Variants in TCERG1 observed in about 807,000 individuals in gnomAD.
TCERG1 encodes the protein transcription elongation regulator 1.
Under a neutral mutation model 144.7 loss-of-function variants are expected in TCERG1, and 37 were observed. The ratio of observed to expected loss-of-function variants is 0.26; its 90% CI spans 0.20 to 0.34. The LOEUF is 0.34. TCERG1 is among the 10% of genes least tolerant of loss of function. TCERG1 has a pLI of 1.00. For missense variants in TCERG1, 1,027 were observed against 1,380.7 expected (o/e 0.74, Z 4.06); for synonymous variants, 492 against 458.2 (o/e 1.07, Z -0.94).
In TCERG1 at chr5:146,492,836, GGACAAA is replaced by G. The variant is rs1301089830; in HGVS notation, c.2164-79_2164-74del. 3.2e-6 allele frequency: 3 copies of G among 941,492 alleles called. No individual in the cohort carries two copies. In the South Asian group the frequency reaches 4.4e-5, roughly 14 times the overall value. 58.3% of individuals were successfully genotyped at this position (941,492 alleles called of 1,614,324 possible). On this transcript the variant is annotated intron_variant, in intron 15 of 22. Coordinates refer to ENST00000679501, the MANE Select transcript of TCERG1 (RefSeq NM_001382548.1). Reference sequence around the variant, plus strand: ...TAATATATTTTTCCTGGTATAGTTTGGACAAAGACATTGTCCAATAATTTGGTAGTT... The same window carrying G: ...TAATATATTTTTCCTGGTATAGTTTGGACATTGTCCAATAATTTGGTAGTT...
rs758112142 is a variant in TCERG1, at chr5:146,455,244, G to T, written c.248G>T (p.Gly83Val). Residue 83 changes from glycine (G) to valine (V), a missense_variant, in exon 2 of 23, where the codon GGA becomes GTA. This residue lies in a region of TCERG1 where 175 missense variants were observed against 197.0 expected (regional missense o/e 0.89). Transcript: ENST00000679501. ...DPNMPPMPPP[G>V]GIPPPMGPPH... Reference sequence around the variant, plus strand: ...AATATGCCGCCAATGCCTCCTCCAGGAGGGATACCTCCACCTATGGGCCCT... The same window carrying T: ...AATATGCCGCCAATGCCTCCTCCAGTAGGGATACCTCCACCTATGGGCCCT... 1.4e-5 allele frequency: 23 copies of T among 1,614,078 alleles called. No individual in the cohort carries two copies. Among genetic ancestry groups the T allele is most frequent in the Non-Finnish European group, 1.8e-5 (21 of 1,180,044 alleles).
intron 15 of TCERG1, among the ~76,000 whole-genome samples, chr5:146,487,652 T>A (rs1765971890): frequency 6.6e-6 from 1 of 151,862 alleles, no homozygotes; most frequent in African/African-American, 2.4e-5. Context: ...TGGGGATCAC[T>A]TGATCCAGGA....
chr5:146,495,067 CTAAA>C (rs1159562423), intron 16 of TCERG1, among the ~76,000 whole-genome samples: 8 of 152,216 alleles, frequency 5.3e-5, no homozygotes, highest in African/African-American at 1.9e-4. Flanking sequence ...AGAAATAAGT[CTAAA>C]ATAAATCAGT....
intron 15 of TCERG1, among the ~76,000 whole-genome samples, chr5:146,489,572 T>G (rs1481044955): frequency 6.6e-6 from 1 of 152,144 alleles, no homozygotes; most frequent in East Asian, 1.9e-4. Context: ...AATGGAGACT[T>G]ACTTTTAGTA....
intron 1 of TCERG1, among the ~76,000 whole-genome samples, chr5:146,448,393 C>T (rs750872831): frequency 6.6e-6 from 1 of 152,094 alleles, no homozygotes; most frequent in African/African-American, 2.4e-5. Context: ...ATGAGAGTGA[C>T]CTGGAGAAAT....
At chr5:146,479,043 A>G (rs1318141973) in intron 10 of TCERG1, among the ~76,000 whole-genome samples, 1 of 152,146 alleles carries the variant, frequency 6.6e-6, no homozygotes, top group Non-Finnish European at 1.5e-5. Context: ...TAAAAATACA[A>G]AATCTCAATC....
chr5:146,467,583 G>C (rs1763900960), intron 5 of TCERG1, among the ~76,000 whole-genome samples: 1 of 151,996 alleles, frequency 6.6e-6, no homozygotes, highest in Non-Finnish European at 1.5e-5. Flanking sequence ...TACTTCTTTA[G>C]TTAGCTTAAA....
At chr5:146,500,810 C>G (rs921896196) in intron 17 of TCERG1, among the ~76,000 whole-genome samples, 1 of 152,022 alleles carries the variant, frequency 6.6e-6, no homozygotes, top group Non-Finnish European at 1.5e-5. Context: ...TGCTCGAGAC[C>G]AGCCTAGGCA....
chr5:146,468,445 G>A (rs1763985380), intron 6 of TCERG1, 42 bp downstream of exon 6: 1 of 1,576,720 alleles, frequency 6.3e-7, no homozygotes, highest in African/African-American at 1.4e-5. Context: ...TCTGTAAGTT[G>A]GCATGGTAGT....
rs369987043 is a variant in TCERG1, at chr5:146,454,424, G to GT, written c.60-622dup. 3.6e-3 allele frequency among the ~76,000 whole-genome samples: 531 copies of GT among 147,106 alleles called. 3 individuals carry two copies. Among genetic ancestry groups the GT allele is most frequent in the African/African-American group, 0.011 (434 of 40,124 alleles). ...CCTTATTACGTAGATTATGTAGAGT[G>GT]TTTTTTTTTTCATCCTTTCTTGCAA... On this transcript the variant is annotated intron_variant, in intron 1 of 22. Transcript: ENST00000679501.
chr5:146,485,069 T>C (rs1383352843), intron 15 of TCERG1, among the ~76,000 whole-genome samples: 1 of 152,248 alleles, frequency 6.6e-6, no homozygotes. Context: ...TTTCATGGTC[T>C]CTAATATTCT....
chr5:146,473,682 C>T (rs941335727), intron 9 of TCERG1, among the ~76,000 whole-genome samples: 16 of 152,220 alleles, frequency 1.1e-4, no homozygotes, highest in Middle Eastern at 6.8e-3. Flanking sequence ...TTGAGAATGA[C>T]GTTAAATCTA....
intron 5 of TCERG1, among the ~76,000 whole-genome samples, chr5:146,466,835 T>C (rs1581426721): frequency 6.6e-6 from 1 of 152,338 alleles, no homozygotes; most frequent in East Asian, 1.9e-4. Flanking sequence ...ATAAGTTGTA[T>C]AGTTAAAATT....
chr5:146,476,010 G>GT lies in TCERG1; in HGVS notation c.1602-2474dup, dbSNP rs560938801. On this transcript the variant is annotated intron_variant, in intron 9 of 22. Transcript: ENST00000679501. ...GAAGCCTCTTGCGCTAACTTTTTAG[G>GT]TTTTTTTTTGTTAAAATCCTCTGTA... 1.4e-3 allele frequency among the ~76,000 whole-genome samples: 207 copies of GT among 151,180 alleles called. 1 individual carries two copies. The highest frequency in any genetic ancestry group is 4.3e-3 in the African/African-American group (177 of 41,226).
chr5:146,503,799 G>C, intron 18 of TCERG1, 25 bp from the exon 19 acceptor site: 1 of 1,564,194 alleles, frequency 6.4e-7, no homozygotes, highest in Middle Eastern at 1.7e-4. Context: ...TGGTAAGAAG[G>C]ATAATGTAGT....
chr5:146,448,924 T>A lies in TCERG1; in HGVS notation c.59+1516T>A, dbSNP rs183991478. The stretch of plus-strand genomic sequence containing the variant: ...TTTAGAAAGTATCTTTCTAAAGCTT[T>A]AAAAAAATCCAAATGGCTTTATTAA... On this transcript the variant is annotated intron_variant, in intron 1 of 22. Transcript: ENST00000679501. Among the ~76,000 whole-genome samples, 6 of 152,298 alleles carry A rather than the reference T, an allele frequency of 3.9e-5. No individual in the cohort carries two copies. In the East Asian group the frequency reaches 1.2e-3, roughly 29 times the overall value.
chr5:146,468,289 G>T, intron 5 of TCERG1, 52 bp from the exon 6 acceptor site: 1 of 1,397,114 alleles, frequency 7.2e-7, no homozygotes, highest in Non-Finnish European at 9.7e-7. Context: ...CCCAGTGGTA[G>T]CCGACATACA....
intron 17 of TCERG1, among the ~76,000 whole-genome samples, chr5:146,502,410 T>C (rs1767567570): frequency 1.3e-5 from 2 of 152,186 alleles, no homozygotes; most frequent in African/African-American, 4.8e-5. Context: ...TTGGGTATCT[T>C]CTATGGTAGG....
chr5:146,476,935 T>A (rs1373311966), intron 9 of TCERG1, among the ~76,000 whole-genome samples: 3 of 152,126 alleles, frequency 2.0e-5, no homozygotes, highest in Admixed American at 6.5e-5. Context: ...TAAAATTTTT[T>A]ATTTTTTGTA....
Sources: allele counts gnomAD v4.1 joint callset (sites outside exome capture counted in the v4.1 genomes callset), GRCh38; gene constraint gnomAD v4.1.1; regional missense constraint gnomAD v4.1.1; transcripts MANE v1.5; gene names NCBI Gene and HGNC (gene_info 2026-07-23, HGNC 2026-07-21).